Variants in NAALADL2 observed in about 807,000 individuals in gnomAD.
NAALADL2 encodes N-acetylated alpha-linked acidic dipeptidase like 2.
A neutral mutation model predicts 87.2 loss-of-function variants in NAALADL2; 76 were observed. The ratio of observed to expected loss-of-function variants is 0.87; its 90% CI spans 0.72 to 1.05. The LOEUF (loss-of-function observed/expected upper bound fraction) is 1.05. NAALADL2 is among the 50% of genes least tolerant of loss of function. The pLI, the probability that NAALADL2 is intolerant of heterozygous loss-of-function variation, is 0.00. For synonymous variants in NAALADL2, 354 were observed against 331.0 expected (o/e 1.07, Z -0.75); for missense variants, 1,089 against 945.8 (o/e 1.15, Z -1.99).
chr3:175,226,400 T>C (rs1284617780), intron 2 of NAALADL2, among the ~76,000 whole-genome samples: 1 of 152,142 alleles, frequency 6.6e-6, no homozygotes, highest in Non-Finnish European at 1.5e-5. Context: ...CTAACTTTTA[T>C]TTTACCCAGA....
At position 174,596,550 on chromosome 3, in the gene NAALADL2, G is replaced by T. The variant is rs573990828; in HGVS notation, c.-115+45913G>T. On this transcript the variant is annotated intron_variant, in intron 2 of 3. Coordinates refer to the NAALADL2 transcript ENST00000434257. ...ATTCTGTAGGTCTTGGGTAGAGAAT[G>T]AAAATTTACTTTTCTAACAAGTTTC... is the stretch of plus-strand genomic sequence containing the variant. 3.7e-4 allele frequency among the ~76,000 whole-genome samples: 57 copies of T among 152,220 alleles called. 1 individual carries two copies. In the East Asian group the frequency reaches 0.011, roughly 29 times the overall value.
At chr3:175,486,743 T>C (rs1727331634) in intron 9 of NAALADL2, among the ~76,000 whole-genome samples, 1 of 152,178 alleles carries the variant, frequency 6.6e-6, no homozygotes, top group Non-Finnish European at 1.5e-5. Context: ...TTTTTTCTTT[T>C]CAGTCTTCTG....
At chr3:174,640,866 C>T (rs1281708777) in intron 2 of NAALADL2, among the ~76,000 whole-genome samples, 4 of 152,116 alleles carry the variant, frequency 2.6e-5, no homozygotes, top group Admixed American at 1.3e-4. Context: ...GCATGGACTC[C>T]GGTTTCAAAT....
chr3:175,670,973 C>A (rs919858701), intron 11 of NAALADL2, among the ~76,000 whole-genome samples: 1 of 151,154 alleles, frequency 6.6e-6, no homozygotes, highest in African/African-American at 2.4e-5. Context: ...ATCTTCTGAG[C>A]AACAAGTGAC....
At chr3:175,549,132 G>T (rs1713888363) in intron 9 of NAALADL2, among the ~76,000 whole-genome samples, 1 of 117,574 alleles carries the variant, frequency 8.5e-6, no homozygotes, top group Admixed American at 1.0e-4. Flanking sequence ...ATACAGTTTT[G>T]AGATTATCAC....
chr3:175,515,562 A>G lies in NAALADL2; in HGVS notation c.1653+43804A>G, dbSNP rs1055667832. ...AGAGAATTCTAGCTAATTTTTGGGA[A>G]AAAAAAAAAAAGCATACTGGATAAA... is the stretch of plus-strand genomic sequence containing the variant. On this transcript the variant is annotated intron_variant, in intron 9 of 13. Transcript: ENST00000454872. Among the ~76,000 whole-genome samples the G allele has an allele frequency of 7.9e-5, 11 of 139,128 alleles. No individual in the cohort carries two copies. The East Asian group carries it at 9.9e-4, about 12-fold the overall frequency. The allele number at this position is 139,128 out of a possible 152,430, so 91.3% of individuals were successfully genotyped here. A position where few individuals can be genotyped will look rare whatever the true frequency, so the allele number is the denominator to read the frequency against.
intron 5 of NAALADL2, among the ~76,000 whole-genome samples, chr3:175,426,102 G>A (rs571542354): frequency 1.3e-5 from 2 of 152,286 alleles, no homozygotes; most frequent in South Asian, 4.1e-4. Flanking sequence ...AGTGGCTCAT[G>A]CCTGTAATCC....
intron 1 of NAALADL2, among the ~76,000 whole-genome samples, chr3:174,995,333 C>T (rs1747293181): frequency 6.6e-6 from 1 of 152,058 alleles, no homozygotes; most frequent in Non-Finnish European, 1.5e-5. Flanking sequence ...TCCTTAATGT[C>T]ATAAACCCAT....
intron 9 of NAALADL2, among the ~76,000 whole-genome samples, chr3:175,474,643 A>G (rs555885132): frequency 6.6e-6 from 1 of 152,300 alleles, no homozygotes; most frequent in South Asian, 2.1e-4. Flanking sequence ...CAATCAAGAT[A>G]TACGGCATCT....
intron 2 of NAALADL2, among the ~76,000 whole-genome samples, chr3:174,602,588 G>A (rs946493253): frequency 6.6e-6 from 1 of 150,870 alleles, no homozygotes; most frequent in African/African-American, 2.4e-5. Context: ...GACTGATTTT[G>A]TTTTCCAATT....
Position 174,895,406 on chromosome 3 carries a change from C to T in NAALADL2, c.43+35956C>T, listed in dbSNP as rs529940211. 7.1e-4 allele frequency among the ~76,000 whole-genome samples: 108 copies of T among 152,076 alleles called. 1 individual carries two copies. The highest frequency in any genetic ancestry group is 2.4e-3 in the African/African-American group (100 of 41,496). The stretch of plus-strand genomic sequence containing the variant: ...TTAGTGGCTACTATGAGCAGCTGTA[C>T]GCCAATAAATTGGAAAATCTAGCAG... On this transcript the variant is annotated intron_variant, in intron 1 of 13. Transcript: ENST00000454872.
intron 1 of NAALADL2, among the ~76,000 whole-genome samples, chr3:174,977,311 G>C (rs938970808): frequency 1.3e-5 from 2 of 152,134 alleles, no homozygotes; most frequent in African/African-American, 4.8e-5. Context: ...TTTTAGTAGA[G>C]ACAGGGTTGT....
intron 3 of NAALADL2, among the ~76,000 whole-genome samples, chr3:174,825,043 A>C (rs2109345051): frequency 6.6e-6 from 1 of 152,290 alleles, no homozygotes; most frequent in Admixed American, 6.5e-5. Flanking sequence ...GAAAGGACCA[A>C]GTTTCTTTTT....
At chr3:174,946,436 T>C (rs1036529834) in intron 1 of NAALADL2, among the ~76,000 whole-genome samples, 7 of 152,170 alleles carry the variant, frequency 4.6e-5, no homozygotes, top group African/African-American at 1.2e-4. Context: ...GTAATGTTTA[T>C]GTCATTCTGT....
chr3:174,558,555 T>C (rs1180261790), intron 2 of NAALADL2, among the ~76,000 whole-genome samples: 1 of 152,076 alleles, frequency 6.6e-6, no homozygotes, highest in East Asian at 1.9e-4. Context: ...GCACACAATC[T>C]AGATCTCTCA....
intron 9 of NAALADL2, among the ~76,000 whole-genome samples, chr3:175,474,011 C>A (rs1407960120): frequency 6.6e-6 from 1 of 152,182 alleles, no homozygotes; most frequent in Non-Finnish European, 1.5e-5. Context: ...TACGAATTTA[C>A]ATTCCCACCA....
At chr3:174,979,541 G>A (rs896168860) in intron 1 of NAALADL2, among the ~76,000 whole-genome samples, 13 of 151,712 alleles carry the variant, frequency 8.6e-5, no homozygotes, top group Admixed American at 2.6e-4. Flanking sequence ...TGCTGGCCTC[G>A]TGATCCGCCC....
At chr3:175,774,474 A>G (rs577065504) in intron 13 of NAALADL2, among the ~76,000 whole-genome samples, 1 of 152,014 alleles carries the variant, frequency 6.6e-6, no homozygotes, top group East Asian at 1.9e-4. Context: ...TATTCCTACT[A>G]CTCCCTTATG....
Position 175,737,410 on chromosome 3 carries a change from T to C in NAALADL2, c.1990+11T>C. The C allele has an allele frequency of 1.4e-6, 2 of 1,479,008 alleles. No homozygotes were observed. Among genetic ancestry groups the C allele is most frequent in the Non-Finnish European group, 1.9e-6 (2 of 1,059,682 alleles). The allele number at this position is 1,479,008 out of a possible 1,614,324, so 91.6% of individuals were successfully genotyped here. A position where few individuals can be genotyped will look rare whatever the true frequency, so the allele number is the denominator to read the frequency against. On this transcript the variant is annotated intron_variant, in intron 12 of 13. Transcript: ENST00000454872. The stretch of plus-strand genomic sequence containing the variant: ...AAAACAACCTTAAAGGTAATTTTCC[T>C]TTGAATTATAGTAATTTTACCAATG...
Sources: allele counts gnomAD v4.1 joint callset (sites outside exome capture counted in the v4.1 genomes callset), GRCh38; gene constraint gnomAD v4.1.1; transcripts MANE v1.5; gene names NCBI Gene and HGNC (gene_info 2026-07-23, HGNC 2026-07-21).